Variants in NPC1 observed in about 807,000 individuals in gnomAD.
NPC1 encodes Niemann-Pick C1 protein.
A neutral mutation model predicts 140.4 loss-of-function variants in NPC1; 85 were observed. The observed-to-expected ratio is 0.61, with a 90% confidence interval of 0.51 to 0.72. NPC1 has a LOEUF of 0.72. Among genes scored for constraint, NPC1 ranks in the 30% least tolerant of loss-of-function variants. The pLI, the probability that NPC1 is intolerant of heterozygous loss-of-function variation, is 0.00. For synonymous variants in NPC1, 656 were observed against 624.8 expected (o/e 1.05, Z -0.74); for missense variants, 1,504 against 1,623.8 (o/e 0.93, Z 1.27).
rs1217044327 is a variant in NPC1 at position 23,535,715 on chromosome 18, G to A, written c.3246-15C>T. ...CATAAAACACACTGGAGGGGAGAGG[G>A]GAGGCCTCATTAAAGCTCGCTCTCA... is the stretch of plus-strand genomic sequence containing the variant. On this transcript the variant is annotated splice_polypyrimidine_tract_variant and intron_variant, in intron 21 of 24. Transcript: ENST00000269228. The A allele has an allele frequency of 6.4e-7, 1 of 1,569,388 alleles. No homozygotes were observed. The highest frequency in any genetic ancestry group is 8.8e-7 in the Non-Finnish European group (1 of 1,139,502).
chr18:23,513,317 G>A (rs1406462189), intron 3 of NPC1, among the ~76,000 whole-genome samples: 2 of 152,196 alleles, frequency 1.3e-5, no homozygotes, highest in African/African-American at 4.8e-5. Context: ...CTTTGTGACT[G>A]GCTTATTTCA....
At chr18:23,564,638 G>A (rs577648892) in intron 4 of NPC1, among the ~76,000 whole-genome samples, 1 of 152,264 alleles carries the variant, frequency 6.6e-6, no homozygotes, top group African/African-American at 2.4e-5. Context: ...GTCTTTTCTT[G>A]ATGGCGTCCT....
At chr18:23,548,250 T>C (rs147121052) in intron 10 of NPC1, 142 bp from the exon 11 acceptor site, 16 of 692,578 alleles carry the variant, frequency 2.3e-5, no homozygotes, top group Middle Eastern at 7.5e-4. Flanking sequence ...AACAAGAGTT[T>C]GCTGAAATAG....
At chr18:23,545,173 AT>A (rs754162582) in intron 11 of NPC1, 24 bp from the exon 12 acceptor site, 16 of 1,534,982 alleles carry the variant, frequency 1.0e-5, no homozygotes, top group Non-Finnish European at 1.4e-5. Flanking sequence ...AAAATGTTAT[AT>A]TTTTAGTTAA....
At position 23,586,353 on chromosome 18, in the gene NPC1, G is replaced by A; in HGVS notation, c.-10C>T. ...GGCCGCGAGCGGTCATGCTGTGGCC[G>A]CGCAAGGCTGCTGACGCCGGCGGCG... On this transcript the variant is annotated 5_prime_UTR_variant, in exon 1 of 25. Transcript: ENST00000269228. 1 of 1,532,330 alleles carries A rather than the reference G, an allele frequency of 6.5e-7. No homozygotes were observed. Among genetic ancestry groups the A allele is most frequent in the South Asian group, 1.2e-5 (1 of 83,688 alleles). The allele number at this position is 1,532,330 out of a possible 1,614,324, so 94.9% of individuals were successfully genotyped here. A position where few individuals can be genotyped will look rare whatever the true frequency, so the allele number is the denominator to read the frequency against.
chr18:23,543,332 GAAAAAAAAA>G (rs34563465), intron 14 of NPC1, 114 bp downstream of exon 14: 1 of 421,358 alleles, frequency 2.4e-6, no homozygotes, highest in Non-Finnish European at 4.1e-6. Context: ...CCGTCTCAGA[GAAAAAAAAA>G]AAAAAGAAAA....
intron 1 of NPC1, among the ~76,000 whole-genome samples, chr18:23,575,981 T>C (rs541645391): frequency 6.6e-6 from 1 of 151,858 alleles, no homozygotes; most frequent in Non-Finnish European, 1.5e-5. Flanking sequence ...CCCAGCACTT[T>C]GGGAGGCTGA....
At chr18:23,573,684 A>G in intron 1 of NPC1, 110 bp from the exon 2 acceptor site, 1 of 1,268,762 alleles carries the variant, frequency 7.9e-7, no homozygotes. Flanking sequence ...TACCTGCAAA[A>G]TTAAGTAACA....
intron 11 of NPC1, 132 bp from the exon 12 acceptor site, chr18:23,545,281 C>G: frequency 1.4e-6 from 1 of 699,816 alleles, no homozygotes; most frequent in Non-Finnish European, 2.5e-6. Context: ...CTCGCTCTGT[C>G]GCCCAGGCTG....
At chr18:23,565,223 C>T (rs1207908210) in intron 4 of NPC1, among the ~76,000 whole-genome samples, 1 of 152,174 alleles carries the variant, frequency 6.6e-6, no homozygotes, top group African/African-American at 2.4e-5. Flanking sequence ...AGAGATTGCC[C>T]TGAATCTATA....
chr18:23,552,785 G>A (rs971368414), intron 9 of NPC1, among the ~76,000 whole-genome samples: 1 of 152,198 alleles, frequency 6.6e-6, no homozygotes, highest in Non-Finnish European at 1.5e-5. Flanking sequence ...GACCTGCAGC[G>A]AGCAGCTGAG....
chr18:23,529,601 T>C (rs1394620368), downstream of NPC1: 1 of 1,568,694 alleles, frequency 6.4e-7, no homozygotes, highest in East Asian at 2.2e-5. Flanking sequence ...TGCACCTCGT[T>C]GGTATTTGTA....
Position 23,507,953 on chromosome 18 carries a change from AT to A in NPC1, c.432-1312del, listed in dbSNP as rs746127881. On this transcript the variant is annotated intron_variant, in intron 3 of 3. Transcript: ENST00000591107. ...GTTGGCAGTATGCTGCCTAATCCAA[AT>A]TTGTGTGTGTCTGTGTGTTTTTCCT... is the stretch of plus-strand genomic sequence containing the variant. 1.3e-5 allele frequency: 21 copies of A among 1,603,642 alleles called. No individual in the cohort carries two copies. In the Admixed American group the frequency reaches 1.7e-4, roughly 13 times the overall value.
At chr18:23,556,155 A>C in intron 8 of NPC1, 88 bp downstream of exon 8, 1 of 1,190,134 alleles carries the variant, frequency 8.4e-7, no homozygotes, top group Non-Finnish European at 1.3e-6. Context: ...ATTCAGCCCC[A>C]AATCCCCATC....
chr18:23,506,208 G>C lies in NPC1; in HGVS notation c.*328C>G, dbSNP rs570620111. On this transcript the variant is annotated 3_prime_UTR_variant, in exon 4 of 4. Coordinates refer to the NPC1 transcript ENST00000591107. ...AGATTTTTAAAAGCAGCTTTATTGA[G>C]GCATAGTTGACACATAATAAACTGT... The C allele has an allele frequency of 2.6e-5, 4 of 151,682 alleles. No individual in the cohort carries two copies. The East Asian group carries it at 7.7e-4, about 29-fold the overall frequency. 9.4% of individuals were successfully genotyped at this position (151,682 alleles called of 1,614,324 possible). A position where few individuals can be genotyped will look rare whatever the true frequency, so the allele number is the denominator to read the frequency against.
At chr18:23,526,681 C>A (rs757896047), downstream of NPC1, 3 of 1,614,138 alleles carry the variant, frequency 1.9e-6, no homozygotes, top group Non-Finnish European at 2.5e-6. Flanking sequence ...CATAGTAAAT[C>A]TCTTACCAGA....
chr18:23,515,673 C>T lies in NPC1; in HGVS notation c.432-9031G>A, dbSNP rs540281484. On this transcript the variant is annotated intron_variant, in intron 3 of 3. Transcript: ENST00000591107. ...TCAGCCTTCTGAGTAGCTGGAATTA[C>T]AGGCATGTGCCACCACGCCTGGCTA... Among the ~76,000 whole-genome samples the T allele has an allele frequency of 1.3e-3, 204 of 152,314 alleles. 1 individual carries two copies. The highest frequency in any genetic ancestry group is 4.5e-3 in the African/African-American group (188 of 41,572).
intron 16 of NPC1, 28 bp from the exon 17 acceptor site, chr18:23,540,565 G>C (rs2145378483): frequency 6.9e-7 from 1 of 1,449,582 alleles, no homozygotes; most frequent in Non-Finnish European, 9.7e-7. Context: ...TCATAAGACA[G>C]AGACTGCTTA....
intron 6 of NPC1, among the ~76,000 whole-genome samples, chr18:23,558,531 G>A (rs887394914): frequency 2.6e-4 from 40 of 152,166 alleles, no homozygotes; most frequent in African/African-American, 8.0e-4. Flanking sequence ...GCCAGAAAAG[G>A]AAAGACTGAG....
Sources: gnomAD v4.1 joint callset for allele counts (sites outside exome capture counted in the v4.1 genomes callset) on GRCh38, gnomAD v4.1.1 for gene constraint, MANE v1.5 for transcripts, NCBI Gene and HGNC (gene_info 2026-07-23, HGNC 2026-07-21) for gene names.